Variants in INSC observed in about 807,000 individuals in gnomAD.
INSC encodes protein inscuteable homolog.
In INSC, 67 loss-of-function variants were observed where a neutral mutation model predicts 58.6. The ratio of observed to expected loss-of-function variants is 1.14; its 90% CI spans 0.94 to 1.40. INSC has a LOEUF of 1.40. Among genes scored for constraint, INSC ranks in the 40% most tolerant of loss-of-function variants. The pLI is 0.00. For synonymous variants in INSC, 262 were observed against 276.1 expected, an observed-to-expected ratio of 0.95 and a Z score of 0.51; for missense variants, 714 against 692.0, an observed-to-expected ratio of 1.03 and a Z score of -0.36.
At chr11:15,121,045 TTTA>T (rs1448537092) in intron 1 of INSC, among the ~76,000 whole-genome samples, 1 of 121,292 alleles carries the variant, frequency 8.2e-6, no homozygotes, top group Non-Finnish European at 1.7e-5. Context: ...TATTTATTGT[TTTA>T]TTATATATAT....
chr11:15,162,034 T>G (rs1849037250), intron 2 of INSC, among the ~76,000 whole-genome samples: 1 of 152,194 alleles, frequency 6.6e-6, no homozygotes, highest in Non-Finnish European at 1.5e-5. Flanking sequence ...CATTCTAAAG[T>G]CATCTATGTG....
chr11:15,127,630 A>G (rs1334744734), intron 1 of INSC, among the ~76,000 whole-genome samples: 1 of 152,220 alleles, frequency 6.6e-6, no homozygotes, highest in African/African-American at 2.4e-5. Flanking sequence ...GGCACAGGAA[A>G]ATAAATACTC....
chr11:15,212,324 T>C (rs150382138), intron 7 of INSC, among the ~76,000 whole-genome samples: 1,975 of 152,180 alleles, frequency 0.013, 51 homozygotes, highest in African/African-American at 0.046. Flanking sequence ...GATCTTGAAC[T>C]CCTGACCTCA....
intron 6 of INSC, among the ~76,000 whole-genome samples, chr11:15,194,592 A>G (rs1048897359): frequency 2.6e-5 from 4 of 152,240 alleles, no homozygotes; most frequent in African/African-American, 7.2e-5. Flanking sequence ...ATGTAATAGC[A>G]ATAGCTAACA....
At chr11:15,203,004 C>G (rs921158868) in intron 7 of INSC, among the ~76,000 whole-genome samples, 2 of 152,312 alleles carry the variant, frequency 1.3e-5, no homozygotes, top group African/African-American at 4.8e-5. Flanking sequence ...GTGCCAGGTG[C>G]TGAGATAGTC....
chr11:15,257,581 G>A, the INSC span, among the ~76,000 whole-genome samples: 1 of 151,856 alleles, frequency 6.6e-6, no homozygotes, highest in Admixed American at 6.6e-5. Flanking sequence ...CTCATAATGG[G>A]ACCTTATCTG....
At chr11:15,221,013 C>A (rs2133930435) in intron 7 of INSC, among the ~76,000 whole-genome samples, 1 of 152,318 alleles carries the variant, frequency 6.6e-6, no homozygotes, top group East Asian at 1.9e-4. Flanking sequence ...TCAGGCATTG[C>A]CTGCTTTATC....
chr11:15,205,948 A>C (rs1265160283), intron 7 of INSC, among the ~76,000 whole-genome samples: 1 of 152,168 alleles, frequency 6.6e-6, no homozygotes, highest in African/African-American at 2.4e-5. Flanking sequence ...GCCAACACAC[A>C]GCAAAGGCCT....
At chr11:15,130,023 G>A (rs1848089802) in intron 1 of INSC, among the ~76,000 whole-genome samples, 1 of 152,212 alleles carries the variant, frequency 6.6e-6, no homozygotes, top group Non-Finnish European at 1.5e-5. Flanking sequence ...GTGGCTGCCT[G>A]TGGAAAACCA....
chr11:15,166,615 G>A (rs1849205041), intron 2 of INSC, among the ~76,000 whole-genome samples: 1 of 152,162 alleles, frequency 6.6e-6, no homozygotes, highest in Admixed American at 6.5e-5. Context: ...GTAACTCCTT[G>A]CAAGTTTGGA....
At chr11:15,136,235 T>G (rs1476106791) in intron 1 of INSC, among the ~76,000 whole-genome samples, 1 of 152,180 alleles carries the variant, frequency 6.6e-6, no homozygotes, top group Non-Finnish European at 1.5e-5. Flanking sequence ...CTAAAAACAA[T>G]GTACATATAT....
the INSC span, among the ~76,000 whole-genome samples, chr11:15,265,624 T>A: frequency 6.6e-6 from 1 of 151,906 alleles, no homozygotes; most frequent in Admixed American, 6.6e-5. Flanking sequence ...TTATGTACTA[T>A]TACTCATTTC....
At chr11:15,155,979 T>C (rs1848802328) in intron 2 of INSC, among the ~76,000 whole-genome samples, 1 of 151,970 alleles carries the variant, frequency 6.6e-6, no homozygotes, top group African/African-American at 2.4e-5. Context: ...CTCCAAGTGG[T>C]AGGCTTTGGG....
chr11:15,140,152 G>A (rs920231043), intron 1 of INSC, among the ~76,000 whole-genome samples: 2 of 152,118 alleles, frequency 1.3e-5, no homozygotes, highest in Non-Finnish European at 2.9e-5. Context: ...TATAAACCAG[G>A]TGCTGGCACA....
At chr11:15,191,193 A>G (rs2133862021) in intron 6 of INSC, among the ~76,000 whole-genome samples, 1 of 151,994 alleles carries the variant, frequency 6.6e-6, no homozygotes, top group East Asian at 1.9e-4. Flanking sequence ...GTTAGCCAGG[A>G]TGGTCTCGAT....
chr11:15,123,259 T>C (rs966318820), intron 1 of INSC, among the ~76,000 whole-genome samples: 5 of 152,240 alleles, frequency 3.3e-5, no homozygotes, highest in Admixed American at 6.5e-5. Flanking sequence ...GCCTTTATCA[T>C]AGTTTCAATT....
At chr11:15,268,097 G>T in the INSC span, among the ~76,000 whole-genome samples, 1 of 152,040 alleles carries the variant, frequency 6.6e-6, no homozygotes, top group African/African-American at 2.4e-5. Flanking sequence ...TAGGTTGTCA[G>T]ATGGTACAAT....
the INSC span, among the ~76,000 whole-genome samples, chr11:15,269,388 C>T: frequency 6.6e-6 from 1 of 151,990 alleles, no homozygotes; most frequent in East Asian, 1.9e-4. Context: ...AATTAAATGA[C>T]CAACGTCTCC....
chr11:15,233,611 C>T (rs1243555556), intron 9 of INSC, among the ~76,000 whole-genome samples: 11 of 152,202 alleles, frequency 7.2e-5, no homozygotes, highest in South Asian at 4.1e-4. Flanking sequence ...CAAAGACCTA[C>T]GTGGTGCCTG....
Sources: gnomAD v4.1 joint callset for allele counts (sites outside exome capture counted in the v4.1 genomes callset) on GRCh38, gnomAD v4.1.1 for gene constraint, MANE v1.5 for transcripts, NCBI Gene and HGNC (gene_info 2026-07-23, HGNC 2026-07-21) for gene names.